Variants in CATSPERB observed in about 807,000 individuals in gnomAD.
CATSPERB encodes catsper channel auxiliary subunit beta, also known as cation channel sperm-associated auxiliary subunit beta.
In CATSPERB, 93 loss-of-function variants were observed where a neutral mutation model predicts 128.3. The ratio of observed to expected loss-of-function variants is 0.72; its 90% CI spans 0.61 to 0.86. The LOEUF (loss-of-function observed/expected upper bound fraction) is 0.86, where lower values mean the gene tolerates loss of function less well. CATSPERB is among the 40% of genes least tolerant of loss of function. The pLI is 0.00. For synonymous variants in CATSPERB, 381 were observed against 448.8 expected, an observed-to-expected ratio of 0.85 and a Z score of 1.91; for missense variants, 1,153 against 1,329.5, an observed-to-expected ratio of 0.87 and a Z score of 2.06.
intron 5 of CATSPERB, among the ~76,000 whole-genome samples, chr14:91,711,906 A>T (rs570050386): frequency 6.6e-5 from 10 of 152,254 alleles, no homozygotes. Context: ...AGAAAAATCA[A>T]TAACAGAAAG....
intron 17 of CATSPERB, among the ~76,000 whole-genome samples, chr14:91,633,549 A>G (rs1894314084): frequency 6.6e-6 from 1 of 152,188 alleles, no homozygotes; most frequent in South Asian, 2.1e-4. Flanking sequence ...AATCTTAAAT[A>G]TTAGCAAACC....
intron 21 of CATSPERB, among the ~76,000 whole-genome samples, chr14:91,608,804 A>G (rs1285079228): frequency 6.6e-6 from 1 of 152,214 alleles, no homozygotes; most frequent in Non-Finnish European, 1.5e-5. Context: ...AATTCTGACA[A>G]GGCAAAAGTT....
At chr14:91,639,299 G>T in intron 15 of CATSPERB, 49 bp from the exon 16 acceptor site, 3 of 1,525,956 alleles carry the variant, frequency 2.0e-6, no homozygotes, top group Non-Finnish European at 2.7e-6. Flanking sequence ...AACAGAAGTC[G>T]AAAAACTTTA....
chr14:91,661,819 T>C (rs1167775108), intron 14 of CATSPERB, among the ~76,000 whole-genome samples: 3 of 152,090 alleles, frequency 2.0e-5, no homozygotes, highest in Non-Finnish European at 4.4e-5. Flanking sequence ...CCACTGCATC[T>C]AGCCACATTT....
At chr14:91,687,968 A>G (rs1409187442) in intron 10 of CATSPERB, among the ~76,000 whole-genome samples, 1 of 150,846 alleles carries the variant, frequency 6.6e-6, no homozygotes, top group Non-Finnish European at 1.5e-5. Context: ...AAAAAAAAAA[A>G]TCCTTATCTA....
At chr14:91,724,627 G>T (rs184287032) in intron 3 of CATSPERB, among the ~76,000 whole-genome samples, 204 of 152,172 alleles carry the variant, frequency 1.3e-3, no homozygotes, top group African/African-American at 4.6e-3. Context: ...ACTCCGTTGT[G>T]TGTGTTTTTA....
At chr14:91,645,805 G>T (rs1380291538) in intron 15 of CATSPERB, among the ~76,000 whole-genome samples, 3 of 149,828 alleles carry the variant, frequency 2.0e-5, no homozygotes. Flanking sequence ...CCCTCCCCCA[G>T]CCTCGCTGCT....
chr14:91,635,167 A>G (rs1894349524), intron 17 of CATSPERB, among the ~76,000 whole-genome samples: 1 of 152,048 alleles, frequency 6.6e-6, no homozygotes, highest in Non-Finnish European at 1.5e-5. Context: ...ATGAGGGCAG[A>G]GTCCTCATGA....
intron 14 of CATSPERB, among the ~76,000 whole-genome samples, chr14:91,664,259 C>CTTTTTT (rs750623098): frequency 1.4e-3 from 160 of 115,664 alleles, no homozygotes; most frequent in Non-Finnish European, 1.7e-3. Context: ...TCTTCCATGT[C>CTTTTTT]TTTTTTTTTT....
intron 2 of CATSPERB, among the ~76,000 whole-genome samples, chr14:91,728,326 G>T (rs1896153930): frequency 1.3e-5 from 2 of 152,056 alleles, no homozygotes; most frequent in African/African-American, 4.8e-5. Flanking sequence ...TGTTGCCCAG[G>T]CTGGTCTCCA....
intron 15 of CATSPERB, among the ~76,000 whole-genome samples, chr14:91,656,849 G>A (rs1383296704): frequency 1.3e-5 from 2 of 151,960 alleles, no homozygotes; most frequent in African/African-American, 4.8e-5. Flanking sequence ...CCAAAAGAGA[G>A]CAGAAGTCAC....
rs767053516 is a variant in CATSPERB, at chr14:91,669,875, G to C, written c.1226C>G (p.Ser409Cys). 3.1e-6 allele frequency: 5 copies of C among 1,613,850 alleles called. No homozygotes were observed. Among genetic ancestry groups the C allele is most frequent in the Non-Finnish European group, 3.4e-6 (4 of 1,179,978 alleles). ...FPIFRFPSSFSSPVGMVFHPR... is the reference protein window; with the variant it reads ...FPIFRFPSSFCSPVGMVFHPR... ...ATGAAATACCATTCCAACGGGAGAAGAGAATGATGAAGGAAACCGAAAAAT... is the reference window on the plus strand; with the variant it reads ...ATGAAATACCATTCCAACGGGAGAACAGAATGATGAAGGAAACCGAAAAAT... The change falls in exon 14 of 27, where the codon TCT (serine) becomes TGT (cysteine). Residue 409 changes from serine (S) to cysteine (C), a missense_variant. Physicochemically the swap from Ser to Cys is moderately radical, Grantham distance 112 (BLOSUM62 -1). Coordinates refer to ENST00000256343, the MANE Select transcript of CATSPERB (RefSeq NM_024764.4).
chr14:91,694,542 C>G (rs1895527744), intron 7 of CATSPERB, among the ~76,000 whole-genome samples: 1 of 151,314 alleles, frequency 6.6e-6, no homozygotes, highest in African/African-American at 2.4e-5. Flanking sequence ...TTTTTCCTCC[C>G]TAACAGTACC....
At chr14:91,669,717 G>T in intron 14 of CATSPERB, 97 bp downstream of exon 14, 2 of 1,176,460 alleles carry the variant, frequency 1.7e-6, no homozygotes, top group Non-Finnish European at 2.4e-6. Context: ...CCATCTCTAG[G>T]TCATCAGAGA....
intron 10 of CATSPERB, among the ~76,000 whole-genome samples, chr14:91,689,113 G>T (rs565403891): frequency 6.6e-6 from 1 of 152,278 alleles, no homozygotes; most frequent in Admixed American, 6.5e-5. Flanking sequence ...CCTCTTTCCA[G>T]GTCTCCTTCA....
At chr14:91,713,955 T>C (rs1232018377) in intron 5 of CATSPERB, among the ~76,000 whole-genome samples, 1 of 152,198 alleles carries the variant, frequency 6.6e-6, no homozygotes, top group Non-Finnish European at 1.5e-5. Flanking sequence ...TAATACATCA[T>C]GACCAAGTGT....
intron 17 of CATSPERB, among the ~76,000 whole-genome samples, chr14:91,631,008 C>T (rs111667895): frequency 0.019 from 2,969 of 152,280 alleles, 45 homozygotes; most frequent in Non-Finnish European, 0.026. Flanking sequence ...ACTTCTTTAG[C>T]CTGGAAAGCT....
At chr14:91,617,288 A>C (rs1019056902) in intron 20 of CATSPERB, among the ~76,000 whole-genome samples, 1 of 152,206 alleles carries the variant, frequency 6.6e-6, no homozygotes, top group Non-Finnish European at 1.5e-5. Context: ...CATACAGCTC[A>C]ACTTAATATT....
Position 91,669,959 on chromosome 14 carries a change from G to A in CATSPERB, c.1142C>T (p.Ala381Val). The change falls in exon 14 of 27, where the codon GCC (alanine) becomes GTC (valine). Residue 381 changes from alanine to valine, a missense_variant. Physicochemically the swap from Ala to Val is moderately conservative, Grantham distance 64 (BLOSUM62 0). Transcript: ENST00000256343. The stretch of plus-strand genomic sequence containing the variant: ...TCTCAGGGTGCTCACAGAGGCAATG[G>A]CAGTTTTCCTGACCTAGGTAAACAA... ...YLFYNKVRKT[A>V]IASVSTLRNN... 1.9e-6 allele frequency: 3 copies of A among 1,612,290 alleles called. No individual in the cohort carries two copies. Among genetic ancestry groups the A allele is most frequent in the Non-Finnish European group, 2.5e-6 (3 of 1,179,404 alleles).
Sources: allele counts gnomAD v4.1 joint callset (sites outside exome capture counted in the v4.1 genomes callset), GRCh38; gene constraint gnomAD v4.1.1; transcripts MANE v1.5; gene names NCBI Gene and HGNC (gene_info 2026-07-23, HGNC 2026-07-21).